The following PIGK variants were observed in gnomAD, a reference collection of about 807,000 sequenced individuals.
The protein encoded by PIGK is phosphatidylinositol glycan anchor biosynthesis class K, also known as GPI-anchor transamidase.
Under a neutral mutation model 50.6 loss-of-function variants are expected in PIGK, and 42 were observed. That is an observed-to-expected ratio of 0.83 (90% CI 0.65 to 1.07). The LOEUF is 1.07. PIGK is among the 50% of genes least tolerant of loss of function. PIGK has a pLI of 0.00. For synonymous variants in PIGK, 151 were observed against 156.0 expected (o/e 0.97, Z 0.24); for missense variants, 448 against 488.7 (o/e 0.92, Z 0.78).
chr1:77,192,840 T>C (rs1304984836), intron 3 of PIGK, among the ~76,000 whole-genome samples: 2 of 152,188 alleles, frequency 1.3e-5, no homozygotes, highest in African/African-American at 4.8e-5. Flanking sequence ...ATAAGCTCTC[T>C]AATAAGATCT....
intron 3 of PIGK, among the ~76,000 whole-genome samples, chr1:77,188,486 T>C (rs996705380): frequency 6.6e-6 from 1 of 152,194 alleles, no homozygotes; most frequent in African/African-American, 2.4e-5. Context: ...TGATAAGATG[T>C]TATCAATGAC....
At chr1:77,097,910 G>T (rs1653456267) in intron 10 of PIGK, among the ~76,000 whole-genome samples, 1 of 152,040 alleles carries the variant, frequency 6.6e-6, no homozygotes, top group Non-Finnish European at 1.5e-5. Flanking sequence ...CATAACATGA[G>T]ATGTAAGGTA....
chr1:77,183,119 G>GA (rs1655659292), intron 3 of PIGK, among the ~76,000 whole-genome samples: 1 of 152,178 alleles, frequency 6.6e-6, no homozygotes, highest in African/African-American at 2.4e-5. Flanking sequence ...GACCTGTAAT[G>GA]AAAAATGCAT....
At position 77,121,719 on chromosome 1, in the gene PIGK, A is replaced by G. The variant is rs550034302; in HGVS notation, c.1071+556T>C. 1.8e-3 allele frequency among the ~76,000 whole-genome samples: 272 copies of G among 152,330 alleles called. 2 individuals carry two copies. Among genetic ancestry groups the G allele is most frequent in the Non-Finnish European group, 2.6e-3 (174 of 68,030 alleles). ...AGGTTATATGCTGTCAAATTATAGT[A>G]CAAAGTCTAAGCTTACATGCTTACA... On this transcript the variant is annotated intron_variant, in intron 10 of 10. Transcript: ENST00000370812.
At chr1:77,165,661 G>A (rs534269861) in intron 5 of PIGK, among the ~76,000 whole-genome samples, 6 of 149,082 alleles carry the variant, frequency 4.0e-5, no homozygotes, top group Non-Finnish European at 7.4e-5. Context: ...TCAAAATACA[G>A]TGAAGGCAAC....
intron 3 of PIGK, among the ~76,000 whole-genome samples, chr1:77,189,302 T>C (rs983197557): frequency 2.6e-5 from 4 of 152,158 alleles, no homozygotes; most frequent in African/African-American, 7.2e-5. Context: ...TGGGTTCAAG[T>C]TGACAAGGGA....
At chr1:77,107,535 C>T (rs1464843660) in intron 10 of PIGK, among the ~76,000 whole-genome samples, 27 of 152,092 alleles carry the variant, frequency 1.8e-4, no homozygotes, top group South Asian at 8.3e-4. Context: ...GGAATAAGTG[C>T]GATGTGGTGC....
intron 10 of PIGK, among the ~76,000 whole-genome samples, chr1:77,114,213 C>T (rs1171935735): frequency 6.6e-6 from 1 of 152,058 alleles, no homozygotes; most frequent in Non-Finnish European, 1.5e-5. Flanking sequence ...TGGAGTCAAA[C>T]AGACCCAGAA....
intron 9 of PIGK, among the ~76,000 whole-genome samples, chr1:77,132,350 A>C (rs890669597): frequency 2.0e-5 from 3 of 151,870 alleles, no homozygotes; most frequent in Non-Finnish European, 2.9e-5. Context: ...ATTTTATTAC[A>C]TCTTTTTTTC....
At chr1:77,131,225 T>G (rs1463973903) in intron 9 of PIGK, among the ~76,000 whole-genome samples, 1 of 151,582 alleles carries the variant, frequency 6.6e-6, no homozygotes, top group Non-Finnish European at 1.5e-5. Context: ...CTATTATATA[T>G]AAATAATATA....
intron 10 of PIGK, among the ~76,000 whole-genome samples, chr1:77,098,604 G>T (rs954785977): frequency 1.7e-4 from 26 of 152,070 alleles, no homozygotes; most frequent in African/African-American, 6.3e-4. Context: ...CTCCTAAAGT[G>T]TTAGGATTAC....
At chr1:77,151,451 C>T (rs1031976889) in intron 9 of PIGK, among the ~76,000 whole-genome samples, 1 of 152,128 alleles carries the variant, frequency 6.6e-6, no homozygotes, top group Non-Finnish European at 1.5e-5. Context: ...TAAGAATGTT[C>T]ACTCTCATCA....
At position 77,128,466 on chromosome 1, in the gene PIGK, A is replaced by G. The variant is rs568544877; in HGVS notation, c.987-6107T>C. Among the ~76,000 whole-genome samples, 122 of 152,340 alleles carry G rather than the reference A, an allele frequency of 8.0e-4. 1 individual carries two copies. Among genetic ancestry groups the G allele is most frequent in the African/African-American group, 2.9e-3 (121 of 41,584 alleles). On this transcript the variant is annotated intron_variant, in intron 9 of 10. Coordinates refer to ENST00000370812, the MANE Select transcript of PIGK (RefSeq NM_005482.3). ...AGTAAAGCTGATATAATAAAATCCCAGAAAAATAAACTCTTTTTCTCATTT... is the reference window on the plus strand; with the variant it reads ...AGTAAAGCTGATATAATAAAATCCCGGAAAAATAAACTCTTTTTCTCATTT...
At chr1:77,166,319 C>T (rs1444738095) in intron 5 of PIGK, among the ~76,000 whole-genome samples, 1 of 152,018 alleles carries the variant, frequency 6.6e-6, no homozygotes, top group African/African-American at 2.4e-5. Context: ...TAAGTATCTA[C>T]AGTTGGTAAT....
At chr1:77,187,137 C>T (rs1176845053) in intron 3 of PIGK, among the ~76,000 whole-genome samples, 1 of 152,162 alleles carries the variant, frequency 6.6e-6, no homozygotes, top group African/African-American at 2.4e-5. Flanking sequence ...ATTCACTGGT[C>T]TTACCATGTT....
chr1:77,125,416 G>A (rs1233063834), intron 9 of PIGK, among the ~76,000 whole-genome samples: 1 of 152,078 alleles, frequency 6.6e-6, no homozygotes, highest in Non-Finnish European at 1.5e-5. Flanking sequence ...AAGTAATCTT[G>A]AGTATCACTG....
intron 1 of PIGK, among the ~76,000 whole-genome samples, chr1:77,211,054 C>T (rs1178481456): frequency 6.6e-6 from 1 of 151,906 alleles, no homozygotes; most frequent in African/African-American, 2.4e-5. Flanking sequence ...TGCAACCTCG[C>T]CCCACCATTT....
At chr1:77,189,855 T>A (rs1323840119) in intron 3 of PIGK, among the ~76,000 whole-genome samples, 1 of 151,368 alleles carries the variant, frequency 6.6e-6, no homozygotes, top group East Asian at 1.9e-4. Flanking sequence ...CAACTCAGTA[T>A]GTCTCAAGTA....
Position 77,091,364 on chromosome 1 carries a change from T to C in PIGK, c.*1010A>G, listed in dbSNP as rs1346193221. ...CCTTATAGGATACATCAGCCAGACA[T>C]GAAGGCTAGGCCATAAGCATACATT... is the stretch of plus-strand genomic sequence containing the variant. On this transcript the variant is annotated 3_prime_UTR_variant, in exon 11 of 11. Coordinates refer to ENST00000370812, the MANE Select transcript of PIGK (RefSeq NM_005482.3). 1 of 152,196 alleles carries C rather than the reference T, an allele frequency of 6.6e-6. No individual in the cohort carries two copies. Among genetic ancestry groups the C allele is most frequent in the East Asian group, 1.9e-4 (1 of 5,204 alleles). 9.4% of individuals were successfully genotyped at this position (152,196 alleles called of 1,614,324 possible). A position where few individuals can be genotyped will look rare whatever the true frequency, so the allele number is the denominator to read the frequency against.
Sources: gnomAD v4.1 joint callset for allele counts (sites outside exome capture counted in the v4.1 genomes callset) on GRCh38, gnomAD v4.1.1 for gene constraint, MANE v1.5 for transcripts, NCBI Gene and HGNC (gene_info 2026-07-23, HGNC 2026-07-21) for gene names.